Variants in ZFHX3 observed in about 807,000 individuals in gnomAD.
ZFHX3 encodes zinc finger homeobox 3, also known as zinc finger homeobox protein 3.
Under a neutral mutation model 279.1 loss-of-function variants are expected in ZFHX3, and 42 were observed. The ratio of observed to expected loss-of-function variants is 0.15; its 90% confidence interval spans 0.12 to 0.19. The LOEUF is 0.19. Among genes scored for constraint, ZFHX3 ranks in the 10% least tolerant of loss-of-function variants. The pLI is 1.00. For synonymous variants in ZFHX3, 2,293 were observed against 1,957.8 expected (o/e 1.17, Z -4.52); for missense variants, 4,981 against 4,754.0 (o/e 1.05, Z -1.40).
At chr16:73,751,439 A>G (rs1365196309) in intron 1 of ZFHX3, among the ~76,000 whole-genome samples, 2 of 152,188 alleles carry the variant, frequency 1.3e-5, no homozygotes, top group African/African-American at 4.8e-5. Context: ...ATATGCATGT[A>G]TATTCTCGAT....
rs779018779 is a variant in ZFHX3 at position 72,797,062 on chromosome 16, G to A, written c.5620C>T (p.Pro1874Ser). ...HSALLQPSQH[P>S]EKKNKLVIKE... is the part of the protein sequence containing the mutation. ...ATGACCAATTTGTTCTTCTTTTCGG[G>A]GTGCTGGCTTGGCTGAAGGAGGGCA... is the stretch of plus-strand genomic sequence containing the variant. Residue 1874 changes from proline to serine, a missense_variant, in exon 9 of 10, where the codon CCC (proline) becomes TCC (serine). By Grantham distance (74) the Pro-to-Ser change is moderately conservative. Coordinates refer to ENST00000268489, the MANE Select transcript of ZFHX3 (RefSeq NM_006885.4). 1 of 1,613,782 alleles carries A rather than the reference G, an allele frequency of 6.2e-7. No individual in the cohort carries two copies. The highest frequency in any genetic ancestry group is 1.3e-5 in the African/African-American group (1 of 74,810).
At chr16:72,986,908 G>A (rs896020075) in intron 1 of ZFHX3, among the ~76,000 whole-genome samples, 1 of 152,130 alleles carries the variant, frequency 6.6e-6, no homozygotes, top group Non-Finnish European at 1.5e-5. Flanking sequence ...AACTTTTGGA[G>A]GCCGAGTCAG....
intron 7 of ZFHX3, among the ~76,000 whole-genome samples, chr16:73,129,932 C>G (rs750250960): frequency 1.3e-5 from 2 of 152,076 alleles, no homozygotes; most frequent in Non-Finnish European, 2.9e-5. Flanking sequence ...GTGTTTAAGG[C>G]AAAAGCAGGA....
chr16:73,298,191 TAAC>T (rs200635669), intron 4 of ZFHX3, among the ~76,000 whole-genome samples: 4,004 of 150,880 alleles, frequency 0.027, 213 homozygotes, highest in African/African-American at 0.093. Flanking sequence ...ACCCTGTCTC[TAAC>T]AACAACAACA....
At chr16:73,064,793 T>C (rs1965726202) in intron 8 of ZFHX3, among the ~76,000 whole-genome samples, 1 of 152,156 alleles carries the variant, frequency 6.6e-6, no homozygotes, top group South Asian at 2.1e-4. Flanking sequence ...CCTCAGCTTC[T>C]TTGCAATGGA....
At chr16:73,519,022 A>C (rs1367825044) in intron 2 of ZFHX3, among the ~76,000 whole-genome samples, 1 of 152,196 alleles carries the variant, frequency 6.6e-6, no homozygotes, top group Non-Finnish European at 1.5e-5. Context: ...GGAAAATGTG[A>C]ATTTCCCAAG....
chr16:72,978,971 T>C (rs773156981), intron 1 of ZFHX3, among the ~76,000 whole-genome samples: 2 of 152,112 alleles, frequency 1.3e-5, no homozygotes, highest in Non-Finnish European at 2.9e-5. Flanking sequence ...CTCTCCTGGA[T>C]AGATGAAGAG....
chr16:73,092,750 G>A (rs1176038904), intron 8 of ZFHX3: 1 of 356,878 alleles, frequency 2.8e-6, no homozygotes, highest in Non-Finnish European at 5.5e-6. Flanking sequence ...ATGAGGCTAA[G>A]TAATAAACAC....
chr16:73,329,644 C>T (rs1426312083), intron 3 of ZFHX3, among the ~76,000 whole-genome samples: 1 of 152,200 alleles, frequency 6.6e-6, no homozygotes, highest in African/African-American at 2.4e-5. Flanking sequence ...ACATTAAAAA[C>T]CCTACAGATA....
intron 3 of ZFHX3, among the ~76,000 whole-genome samples, chr16:72,904,928 T>TTCAAGTGACTCTCCTGCC (rs1205260916): frequency 6.6e-6 from 1 of 152,052 alleles, no homozygotes; most frequent in Non-Finnish European, 1.5e-5. Context: ...ATCTCCTGGG[T>TTCAAGTGACTCTCCTGCC]TCAAGTGACT....
chr16:73,166,944 G>A (rs892857626), intron 5 of ZFHX3, among the ~76,000 whole-genome samples: 1 of 152,076 alleles, frequency 6.6e-6, no homozygotes, highest in Non-Finnish European at 1.5e-5. Context: ...AACACAACAC[G>A]ACACAACACA....
At chr16:73,552,195 G>A (rs933647643) in intron 2 of ZFHX3, among the ~76,000 whole-genome samples, 4 of 152,116 alleles carry the variant, frequency 2.6e-5, no homozygotes, top group African/African-American at 9.7e-5. Flanking sequence ...TTAGTGGGAC[G>A]AGATACCAGA....
chr16:73,207,248 T>G (rs1210063297), intron 5 of ZFHX3, among the ~76,000 whole-genome samples: 1 of 151,976 alleles, frequency 6.6e-6, no homozygotes, highest in Admixed American at 6.6e-5. Context: ...CGACACACGG[T>G]TCTAGAGCTT....
At chr16:73,655,710 C>T (rs1459426660) in intron 2 of ZFHX3, among the ~76,000 whole-genome samples, 4 of 152,104 alleles carry the variant, frequency 2.6e-5, no homozygotes, top group Non-Finnish European at 2.9e-5. Flanking sequence ...CCTGGTATTA[C>T]CAAGTATTGA....
chr16:73,729,442 T>A (rs1241501481), intron 1 of ZFHX3, among the ~76,000 whole-genome samples: 1 of 151,996 alleles, frequency 6.6e-6, no homozygotes, highest in African/African-American at 2.4e-5. Flanking sequence ...GTCTGGAGAA[T>A]CGCTTGAACC....
chr16:73,664,250 G>A (rs994621313), intron 2 of ZFHX3, among the ~76,000 whole-genome samples: 3 of 152,110 alleles, frequency 2.0e-5, no homozygotes, highest in Non-Finnish European at 4.4e-5. Flanking sequence ...TTTTCTAGAG[G>A]GAAATCTTGA....
chr16:73,759,691 T>G (rs2053843613), intron 1 of ZFHX3, among the ~76,000 whole-genome samples: 1 of 152,182 alleles, frequency 6.6e-6, no homozygotes, highest in Admixed American at 6.5e-5. Flanking sequence ...AATGGGATCC[T>G]TGATTCTCAT....
At chr16:73,806,267 G>A (rs1960273575) in intron 1 of ZFHX3, among the ~76,000 whole-genome samples, 1 of 152,190 alleles carries the variant, frequency 6.6e-6, no homozygotes, top group African/African-American at 2.4e-5. Context: ...CCATACCAGA[G>A]CACATCTGGA....
intron 1 of ZFHX3, among the ~76,000 whole-genome samples, chr16:73,682,859 A>G (rs1285320963): frequency 3.6e-5 from 1 of 27,444 alleles, no homozygotes; most frequent in Non-Finnish European, 7.6e-5. Context: ...AAAGAGAAAG[A>G]AAGAAAGAAA....
Sources: gnomAD v4.1 joint callset for allele counts (sites outside exome capture counted in the v4.1 genomes callset) on GRCh38, gnomAD v4.1.1 for gene constraint, MANE v1.5 for transcripts, NCBI Gene and HGNC (gene_info 2026-07-23, HGNC 2026-07-21) for gene names.